FAM167A: variants seen among roughly 807,000 people sequenced by gnomAD.
FAM167A encodes family with sequence similarity 167 member A, also known as protein FAM167A.
Under a neutral mutation model 14.9 loss-of-function variants are expected in FAM167A, and 23 were observed. The ratio of observed to expected loss-of-function variants is 1.55; its 90% CI spans 1.11 to 2.19. The LOEUF is 2.19. FAM167A is among the 30% of genes most tolerant of loss of function. FAM167A has a pLI of 0.00. For missense variants in FAM167A, 401 were observed against 281.5 expected (o/e 1.42, Z -3.04); for synonymous variants, 174 against 117.7 (o/e 1.48, Z -3.10).
chr8:11,450,005 G>A (rs748943735), intron 1 of FAM167A, among the ~76,000 whole-genome samples: 5 of 152,270 alleles, frequency 3.3e-5, no homozygotes, highest in South Asian at 2.1e-4. Context: ...CTCACCACGC[G>A]CTCCTGCTGT....
At chr8:11,467,795 C>T (rs1022405446), upstream of FAM167A, among the ~76,000 whole-genome samples, 25 of 152,266 alleles carry the variant, frequency 1.6e-4, no homozygotes, top group Admixed American at 7.2e-4. Flanking sequence ...CCGCATCCAG[C>T]CCTGACCTAC....
chr8:11,451,977 C>G (rs1268752705), intron 1 of FAM167A, among the ~76,000 whole-genome samples: 1 of 152,156 alleles, frequency 6.6e-6, no homozygotes, highest in Non-Finnish European at 1.5e-5. Context: ...TGAAATGAGA[C>G]AGGAAGCACA....
intron 2 of FAM167A, among the ~76,000 whole-genome samples, chr8:11,426,813 T>C (rs1446626763): frequency 6.6e-6 from 1 of 152,214 alleles, no homozygotes; most frequent in East Asian, 1.9e-4. Flanking sequence ...GAAAAGTCAC[T>C]TGTGTCTTAG....
chr8:11,471,915 G>A (rs1253529136), upstream of FAM167A, among the ~76,000 whole-genome samples: 2 of 152,186 alleles, frequency 1.3e-5, no homozygotes, highest in Non-Finnish European at 2.9e-5. Context: ...AAAAGTAAGA[G>A]GGGGGCCACA....
intron 2 of FAM167A, among the ~76,000 whole-genome samples, chr8:11,435,800 G>A (rs569662404): frequency 5.1e-4 from 77 of 152,296 alleles, no homozygotes; most frequent in Non-Finnish European, 8.5e-4. Flanking sequence ...GATAATAATT[G>A]ACCGTAATTA....
intron 1 of FAM167A, among the ~76,000 whole-genome samples, chr8:11,472,855 A>C (rs6989817): frequency 0.61 from 91,790 of 151,712 alleles, 28,418 homozygotes; most frequent in East Asian, 0.97. Flanking sequence ...ACACTCTGCA[A>C]TTGCTGAATA....
chr8:11,463,546 A>G (rs1244264258), intron 1 of FAM167A, among the ~76,000 whole-genome samples: 1 of 152,220 alleles, frequency 6.6e-6, no homozygotes. Flanking sequence ...CTGGAACTGT[A>G]GCCAGTGCAC....
At chr8:11,465,869 C>A (rs1353486160) in intron 1 of FAM167A, among the ~76,000 whole-genome samples, 1 of 152,220 alleles carries the variant, frequency 6.6e-6, no homozygotes, top group African/African-American at 2.4e-5. Flanking sequence ...TGGCCAGCCC[C>A]CAACCTAGAG....
intron 2 of FAM167A, among the ~76,000 whole-genome samples, chr8:11,443,385 C>T (rs997204102): frequency 2.6e-5 from 4 of 152,224 alleles, no homozygotes; most frequent in Non-Finnish European, 4.4e-5. Flanking sequence ...GCCTTTACCT[C>T]ACACCTGGCC....
chr8:11,438,162 C>A, intron 2 of FAM167A: 1 of 455,754 alleles, frequency 2.2e-6, no homozygotes, highest in Non-Finnish European at 4.4e-6. Context: ...GATGAAAAGA[C>A]TTCCGCCTGC....
intron 1 of FAM167A, among the ~76,000 whole-genome samples, chr8:11,449,722 C>T (rs567994365): frequency 6.6e-6 from 1 of 152,308 alleles, no homozygotes; most frequent in South Asian, 2.1e-4. Flanking sequence ...GCTCTGTGTG[C>T]CAGTGCCGAG....
chr8:11,433,012 AATG>A (rs1178050748), intron 2 of FAM167A, among the ~76,000 whole-genome samples: 2 of 152,180 alleles, frequency 1.3e-5, no homozygotes, highest in African/African-American at 4.8e-5. Flanking sequence ...GGAGTTGAAC[AATG>A]ATAACACGTG....
intron 2 of FAM167A, among the ~76,000 whole-genome samples, chr8:11,442,567 C>T (rs1806506903): frequency 6.6e-6 from 1 of 152,148 alleles, no homozygotes; most frequent in African/African-American, 2.4e-5. Flanking sequence ...CTTTGATGAA[C>T]AAGAATGTTT....
At chr8:11,445,093 T>C in intron 1 of FAM167A, 2 of 978,884 alleles carry the variant, frequency 2.0e-6, no homozygotes, top group Non-Finnish European at 1.2e-6. Context: ...GATTTGTTTT[T>C]ATTCTCATTT....
chr8:11,444,363 C>G lies in FAM167A; in HGVS notation c.49G>C (p.Ala17Pro). 1.9e-6 allele frequency: 3 copies of G among 1,591,554 alleles called. No homozygotes were observed. Among genetic ancestry groups the G allele is most frequent in the South Asian group, 1.1e-5 (1 of 89,492 alleles). Residue 17 changes from alanine (A) to proline (P), a missense_variant, in exon 2 of 3, where the codon GCG (alanine) becomes CCG (proline). Ala to Pro is a conservative substitution (Grantham distance 27). Transcript: ENST00000284486. ...HVEEVGAEEG[A>P]GAAAPPDDHL... ...TCATCGGGTGGTGCGGCTGCTCCCGCCCCCTCTTCTGCACCCACTTCTTCC... is the reference window on the plus strand; with the variant it reads ...TCATCGGGTGGTGCGGCTGCTCCCGGCCCCTCTTCTGCACCCACTTCTTCC...
intron 1 of FAM167A, among the ~76,000 whole-genome samples, chr8:11,456,342 G>GT: frequency 6.6e-6 from 1 of 150,802 alleles, no homozygotes; most frequent in Admixed American, 6.6e-5. Context: ...TGAGTGTGGG[G>GT]TGGTTGCCCT....
chr8:11,447,349 T>C (rs2117101354), intron 1 of FAM167A, among the ~76,000 whole-genome samples: 1 of 152,150 alleles, frequency 6.6e-6, no homozygotes, highest in Middle Eastern at 3.4e-3. Context: ...ACCCAGCTAA[T>C]TTTTTGTATT....
At chr8:11,433,428 A>C (rs1173129241) in intron 2 of FAM167A, among the ~76,000 whole-genome samples, 1 of 152,158 alleles carries the variant, frequency 6.6e-6, no homozygotes, top group African/African-American at 2.4e-5. Flanking sequence ...TCCATTCCTG[A>C]AGAATGTGGC....
At chr8:11,433,273 T>C (rs1361610019) in intron 2 of FAM167A, among the ~76,000 whole-genome samples, 1 of 152,206 alleles carries the variant, frequency 6.6e-6, no homozygotes, top group Non-Finnish European at 1.5e-5. Context: ...AGCAACTCTA[T>C]GAAGGTGTTA....
Sources: gnomAD v4.1 joint callset for allele counts (sites outside exome capture counted in the v4.1 genomes callset) on GRCh38, gnomAD v4.1.1 for gene constraint, MANE v1.5 for transcripts, NCBI Gene and HGNC (gene_info 2026-07-23, HGNC 2026-07-21) for gene names.